The following IQSEC3 variants were observed in gnomAD, a reference collection of about 807,000 sequenced individuals.
IQSEC3 encodes IQ motif and SEC7 domain-containing protein 3.
In IQSEC3, 50 loss-of-function variants were observed where a neutral mutation model predicts 105.4. The ratio of observed to expected loss-of-function variants is 0.47; its 90% CI spans 0.38 to 0.60. The LOEUF (loss-of-function observed/expected upper bound fraction) is 0.60. Among genes scored for constraint, IQSEC3 ranks in the 20% least tolerant of loss-of-function variants. The probability of loss-of-function intolerance (pLI) is 0.00; values close to 1 mark genes in which losing one functional copy is unlikely to be tolerated. For missense variants in IQSEC3, 1,415 were observed against 1,630.0 expected, an observed-to-expected ratio of 0.87 and a Z score of 2.27; for synonymous variants, 708 against 746.0, an observed-to-expected ratio of 0.95 and a Z score of 0.83.
chr12:121,661 C>T (rs1865222282), intron 2 of IQSEC3, among the ~76,000 whole-genome samples: 1 of 152,150 alleles, frequency 6.6e-6, no homozygotes, highest in Non-Finnish European at 1.5e-5. Context: ...GAAAACCCTA[C>T]TTTTTCAGTT....
At chr12:129,544 G>A (rs1315147780) in intron 3 of IQSEC3, among the ~76,000 whole-genome samples, 5 of 152,112 alleles carry the variant, frequency 3.3e-5, no homozygotes, top group African/African-American at 9.7e-5. Flanking sequence ...GCAGTCCTGG[G>A]GGATACAACC....
intron 5 of IQSEC3, among the ~76,000 whole-genome samples, chr12:145,504 G>A (rs1050646525): frequency 3.9e-5 from 6 of 152,108 alleles, no homozygotes; most frequent in Non-Finnish European, 5.9e-5. Flanking sequence ...CATTCCCCGC[G>A]CACAAGGAAA....
At chr12:102,901 T>G (rs1259367105) in intron 2 of IQSEC3, among the ~76,000 whole-genome samples, 1 of 152,150 alleles carries the variant, frequency 6.6e-6, no homozygotes, top group East Asian at 1.9e-4. Flanking sequence ...AGAGTTATTA[T>G]GGGTTCTGCT....
rs967127738 is a variant in IQSEC3 at position 168,855 on chromosome 12, A to C, written c.2972-158A>C. ...GCTCCGAGGGGGTATTTAACTTGCT[A>C]TTCAGTGGTGGGGCCAGACCCGAGG... On this transcript the variant is annotated intron_variant, in intron 11 of 13. Coordinates refer to ENST00000538872, the MANE Select transcript of IQSEC3 (RefSeq NM_001170738.2). 18 of 661,998 alleles carry C rather than the reference A, an allele frequency of 2.7e-5. 1 individual carries two copies. The highest frequency in any genetic ancestry group is 5.2e-5 in the East Asian group (2 of 38,726). The allele number at this position is 661,998 out of a possible 1,614,324, so 41.0% of individuals were successfully genotyped here.
intron 1 of IQSEC3, among the ~76,000 whole-genome samples, chr12:76,648 CTCTG>C (rs147602888): frequency 3.7e-4 from 57 of 152,394 alleles, no homozygotes; most frequent in African/African-American, 1.4e-3. Flanking sequence ...TCCATACCCA[CTCTG>C]TCTGGAGCAT....
At chr12:73,071 TAAATAAATA>T (rs1863386553) in intron 1 of IQSEC3, among the ~76,000 whole-genome samples, 1 of 144,556 alleles carries the variant, frequency 6.9e-6, no homozygotes, top group Non-Finnish European at 1.5e-5. Context: ...AATAAATAAA[TAAATAAATA>T]AATAAATAAA....
At chr12:72,290 G>A (rs1863349560) in intron 1 of IQSEC3, among the ~76,000 whole-genome samples, 1 of 151,614 alleles carries the variant, frequency 6.6e-6, no homozygotes, top group Non-Finnish European at 1.5e-5. Context: ...AAGGCAGCTG[G>A]GGTCGGGGCT....
At chr12:122,213 G>A (rs2136961888) in intron 2 of IQSEC3, among the ~76,000 whole-genome samples, 1 of 152,334 alleles carries the variant, frequency 6.6e-6, no homozygotes, top group East Asian at 1.9e-4. Flanking sequence ...AGAGAGCCTG[G>A]AACCTTGGGG....
At chr12:81,027 G>T (rs774379620) in intron 1 of IQSEC3, among the ~76,000 whole-genome samples, 1 of 152,216 alleles carries the variant, frequency 6.6e-6, no homozygotes, top group Non-Finnish European at 1.5e-5. Context: ...GTGCAGGCGC[G>T]TAGCAGATCT....
Position 165,859 on chromosome 12 carries a change from G to A in IQSEC3, c.2940G>A (p.Glu980=). 1 of 1,614,118 alleles carries A rather than the reference G, an allele frequency of 6.2e-7. No homozygotes were observed. Among genetic ancestry groups the A allele is most frequent in the Non-Finnish European group, 8.5e-7 (1 of 1,180,020 alleles). The change falls in exon 11 of 14, where the codon GAG becomes GAA. Residue 980 remains glutamate (E), a synonymous_variant. Coordinates refer to ENST00000538872, the MANE Select transcript of IQSEC3 (RefSeq NM_001170738.2). ...AGGACCTGAAGGAGTCCATTGCTGA[G>A]GTGACGGAGCTGGAGCAGATCCGAA... The part of the protein sequence containing the change: ...FVEDLKESIA[E]VTELEQIRIE...
At chr12:148,758 T>C (rs1029924785) in intron 5 of IQSEC3, 15 of 152,204 alleles carry the variant, frequency 9.9e-5, no homozygotes, top group African/African-American at 3.6e-4. Flanking sequence ...TCCGTGGCAA[T>C]AGGTGGTTTA....
At chr12:73,669 C>A (rs559926357) in intron 1 of IQSEC3, among the ~76,000 whole-genome samples, 59 of 151,308 alleles carry the variant, frequency 3.9e-4, no homozygotes, top group African/African-American at 1.4e-3. Context: ...GACTCCATGA[C>A]CCCAAAAAAA....
At chr12:139,945 G>T in intron 4 of IQSEC3, 1 of 152,444 alleles carries the variant, frequency 6.6e-6, no homozygotes, top group Middle Eastern at 3.4e-3. Flanking sequence ...AGCGAGACCG[G>T]GACTGGTCCT....
chr12:141,701 C>T (rs782536886), intron 5 of IQSEC3: 21 of 186,072 alleles, frequency 1.1e-4, no homozygotes, highest in Middle Eastern at 2.1e-3. Flanking sequence ...ATTTTCATAT[C>T]GCTGGAGGCA....
chr12:112,074 G>A (rs1416529827), intron 2 of IQSEC3, among the ~76,000 whole-genome samples: 1 of 152,140 alleles, frequency 6.6e-6, no homozygotes, highest in East Asian at 1.9e-4. Context: ...CTGGGCAGGG[G>A]CTGTAGGTGG....
chr12:92,702 G>C (rs11063793), intron 1 of IQSEC3, among the ~76,000 whole-genome samples: 88,214 of 152,076 alleles, frequency 0.58, 26,652 homozygotes, highest in African/African-American at 0.68. Flanking sequence ...TCACTCTGCT[G>C]TAGGCCTCAG....
chr12:144,786 G>C (rs1471880756), intron 5 of IQSEC3, among the ~76,000 whole-genome samples: 2 of 152,214 alleles, frequency 1.3e-5, no homozygotes, highest in African/African-American at 4.8e-5. Context: ...ATAATAGAAG[G>C]CATTCTGAGC....
At chr12:134,900 C>T (rs188994307) in intron 3 of IQSEC3, among the ~76,000 whole-genome samples, 43 of 152,054 alleles carry the variant, frequency 2.8e-4, no homozygotes, top group African/African-American at 9.7e-4. Flanking sequence ...CCAAGGTGGG[C>T]GGATCACCAA....
chr12:171,187 T>C, intron 13 of IQSEC3, 26 bp downstream of exon 13: 1 of 1,614,028 alleles, frequency 6.2e-7, no homozygotes, highest in Non-Finnish European at 8.5e-7. Context: ...GTTGCCCAGG[T>C]GAGTGACTAC....
Sources: gnomAD v4.1 joint callset for allele counts (sites outside exome capture counted in the v4.1 genomes callset) on GRCh38, gnomAD v4.1.1 for gene constraint, MANE v1.5 for transcripts, NCBI Gene and HGNC (gene_info 2026-07-23, HGNC 2026-07-21) for gene names.